LPP: variants seen among roughly 807,000 people sequenced by gnomAD.
The protein encoded by LPP is LIM domain containing preferred translocation partner in lipoma, also known as lipoma-preferred partner.
A neutral mutation model predicts 60.4 loss-of-function variants in LPP; 38 were observed. That is an observed-to-expected ratio of 0.63 (90% CI 0.49 to 0.83). The LOEUF (loss-of-function observed/expected upper bound fraction) is 0.83, where lower values mean the gene tolerates loss of function less well. Among genes scored for constraint, LPP ranks in the 40% least tolerant of loss-of-function variants. LPP has a pLI of 0.00. For missense variants in LPP, 902 were observed against 783.6 expected (o/e 1.15, Z -1.80); for synonymous variants, 328 against 290.8 (o/e 1.13, Z -1.30).
At chr3:188,627,292 T>C (rs1450590503) in intron 7 of LPP, among the ~76,000 whole-genome samples, 1 of 152,110 alleles carries the variant, frequency 6.6e-6, no homozygotes, top group Non-Finnish European at 1.5e-5. Context: ...TGCTTATATA[T>C]CAGTATTAAT....
chr3:188,194,448 C>CGTAT (rs1321290578), intron 1 of LPP, among the ~76,000 whole-genome samples: 1 of 152,160 alleles, frequency 6.6e-6, no homozygotes, highest in Non-Finnish European at 1.5e-5. Flanking sequence ...GAGCCTCAAC[C>CGTAT]ATACCATCTC....
intron 6 of LPP, among the ~76,000 whole-genome samples, chr3:188,544,388 T>C (rs1249415583): frequency 4.6e-5 from 7 of 152,234 alleles, no homozygotes; most frequent in Non-Finnish European, 1.0e-4. Context: ...ATCATGTATA[T>C]TCATTTATGT....
At chr3:188,537,537 A>G (rs994509484) in intron 6 of LPP, among the ~76,000 whole-genome samples, 35 of 152,270 alleles carry the variant, frequency 2.3e-4, no homozygotes, top group African/African-American at 8.4e-4. Context: ...TCACTCATTT[A>G]TTCCTTTATT....
intron 3 of LPP, among the ~76,000 whole-genome samples, chr3:188,354,305 G>A (rs1450983987): frequency 6.6e-6 from 1 of 152,106 alleles, no homozygotes; most frequent in Non-Finnish European, 1.5e-5. Flanking sequence ...CAGGTTTCAT[G>A]CTTCTTTTTT....
intron 2 of LPP, among the ~76,000 whole-genome samples, chr3:188,256,577 T>C (rs1352312617): frequency 6.6e-6 from 1 of 152,200 alleles, no homozygotes; most frequent in Non-Finnish European, 1.5e-5. Context: ...TTTCACATTT[T>C]CTGAAGATAA....
intron 4 of LPP, among the ~76,000 whole-genome samples, chr3:188,441,265 A>C (rs1377457870): frequency 6.6e-6 from 1 of 151,666 alleles, no homozygotes; most frequent in Non-Finnish European, 1.5e-5. Context: ...AGATTCTCAA[A>C]GTCCTACAAC....
At chr3:188,490,099 C>T (rs187199182) in intron 5 of LPP, among the ~76,000 whole-genome samples, 2 of 152,218 alleles carry the variant, frequency 1.3e-5, no homozygotes, top group East Asian at 3.9e-4. Flanking sequence ...ATGATGTCCT[C>T]ATATTGGTTT....
At chr3:188,864,384 A>G (rs142561768) in intron 9 of LPP, among the ~76,000 whole-genome samples, 160 of 152,332 alleles carry the variant, frequency 1.1e-3, no homozygotes, top group African/African-American at 3.6e-3. Flanking sequence ...GCTTATTTCT[A>G]TTTCAGACAG....
chr3:188,654,069 T>G (rs1473970), intron 7 of LPP, among the ~76,000 whole-genome samples: 28,143 of 152,184 alleles, frequency 0.18, 3,281 homozygotes, highest in South Asian at 0.37. Context: ...ATTTCATACT[T>G]AGGAAATAGA....
In LPP at chr3:188,176,755, ATATAC is replaced by A. The variant is rs926379172; in HGVS notation, c.-190+22504_-190+22508del. On this transcript the variant is annotated intron_variant, in intron 1 of 11. Coordinates refer to ENST00000617246, the MANE Select transcript of LPP (RefSeq NM_001375462.1). ...CTAGGACTGCAAGAAGTCACTGAAC[ATATAC>A]CTGGCCCTTAGTGTACACATTACTA... Among the ~76,000 whole-genome samples the A allele has an allele frequency of 8.5e-5, 13 of 152,358 alleles. No homozygotes were observed. In the South Asian group the frequency reaches 2.3e-3, roughly 27 times the overall value.
intron 7 of LPP, among the ~76,000 whole-genome samples, chr3:188,662,978 T>C (rs1363657980): frequency 6.6e-6 from 1 of 152,266 alleles, no homozygotes; most frequent in Non-Finnish European, 1.5e-5. Flanking sequence ...CTTGCAAGAA[T>C]AGTATGTTAT....
chr3:188,790,678 C>T (rs768877637), intron 9 of LPP, among the ~76,000 whole-genome samples: 4 of 151,764 alleles, frequency 2.6e-5, no homozygotes, highest in Admixed American at 6.6e-5. Flanking sequence ...AAAAATTAGT[C>T]GGGTGTGGTG....
chr3:188,374,939 G>T (rs567065769), intron 3 of LPP, among the ~76,000 whole-genome samples: 1 of 151,340 alleles, frequency 6.6e-6, no homozygotes, highest in African/African-American at 2.4e-5. Flanking sequence ...TTTGTCAAAG[G>T]CCTTTTCTGC....
intron 8 of LPP, among the ~76,000 whole-genome samples, chr3:188,748,287 A>G (rs1190721311): frequency 2.0e-5 from 3 of 152,168 alleles, no homozygotes; most frequent in Non-Finnish European, 4.4e-5. Context: ...ACATATATAT[A>G]TGAATGTATG....
At chr3:188,656,220 C>T (rs1244649776) in intron 7 of LPP, among the ~76,000 whole-genome samples, 2 of 139,406 alleles carry the variant, frequency 1.4e-5, no homozygotes, top group Admixed American at 7.2e-5. Context: ...AAAAAAAACA[C>T]TTTGATTTTA....
chr3:188,434,980 C>G (rs1223615274), intron 4 of LPP, among the ~76,000 whole-genome samples: 1 of 152,174 alleles, frequency 6.6e-6, no homozygotes, highest in Non-Finnish European at 1.5e-5. Context: ...AAGCTTAGTA[C>G]ATAACTTCAA....
At chr3:188,708,053 G>A (rs757211027) in intron 7 of LPP, among the ~76,000 whole-genome samples, 1 of 152,204 alleles carries the variant, frequency 6.6e-6, no homozygotes, top group African/African-American at 2.4e-5. Context: ...TCTAAAGCCT[G>A]ATAGATGACT....
intron 6 of LPP, among the ~76,000 whole-genome samples, chr3:188,528,529 G>A (rs911482775): frequency 1.3e-5 from 2 of 152,036 alleles, no homozygotes; most frequent in African/African-American, 2.4e-5. Context: ...CTGCAGCTAC[G>A]TTTTGTTTGA....
At chr3:188,410,779 G>A (rs1238759707) in intron 4 of LPP, among the ~76,000 whole-genome samples, 1 of 152,010 alleles carries the variant, frequency 6.6e-6, no homozygotes, top group African/African-American at 2.4e-5. Context: ...TGGGGAACAG[G>A]TGGTTTTTGC....
Sources: gnomAD v4.1 joint callset for allele counts (sites outside exome capture counted in the v4.1 genomes callset) on GRCh38, gnomAD v4.1.1 for gene constraint, MANE v1.5 for transcripts, NCBI Gene and HGNC (gene_info 2026-07-23, HGNC 2026-07-21) for gene names.